Variants in YAF2 observed in about 807,000 individuals in gnomAD.
The protein encoded by YAF2 is YY1 associated factor 2.
In YAF2, 7 loss-of-function variants were observed where a neutral mutation model predicts 20.1. The observed-to-expected ratio is 0.35, with a 90% CI of 0.20 to 0.65. The LOEUF (loss-of-function observed/expected upper bound fraction) is 0.65. YAF2 is among the 30% of genes least tolerant of loss of function. The pLI is 0.69. For missense variants in YAF2, 151 were observed against 219.2 expected, an observed-to-expected ratio of 0.69 and a Z score of 1.96; for synonymous variants, 74 against 76.0, an observed-to-expected ratio of 0.97 and a Z score of 0.14.
intron 2 of YAF2, among the ~76,000 whole-genome samples, chr12:42,228,509 C>T (rs1366929022): frequency 1.8e-5 from 1 of 56,744 alleles, no homozygotes; most frequent in Non-Finnish European, 3.0e-5. Flanking sequence ...CCTGGCCAGC[C>T]GCCCCGTCCG....
At position 42,227,883 on chromosome 12, in the gene YAF2, G is replaced by A. The variant is rs1427767415; in HGVS notation, c.152+9716C>T. Among the ~76,000 whole-genome samples the A allele has an allele frequency of 6.0e-3, 824 of 138,404 alleles. 9 individuals carry two copies. Among genetic ancestry groups the A allele is most frequent in the African/African-American group, 0.021 (754 of 36,316 alleles). The allele number at this position is 138,404 out of a possible 152,430, so 90.8% of individuals were successfully genotyped here. A position where few individuals can be genotyped will look rare whatever the true frequency, so the allele number is the denominator to read the frequency against. On this transcript the variant is annotated intron_variant, in intron 2 of 3. Coordinates refer to ENST00000534854, the MANE Select transcript of YAF2 (RefSeq NM_005748.6). ...CCCCGCCCCGCCAGCCGCCCCGTCC[G>A]GGAGGTGAGGGGCGCCTCTGCCCGG...
chr12:42,185,481 A>G (rs2066449334), intron 2 of YAF2, among the ~76,000 whole-genome samples: 1 of 152,248 alleles, frequency 6.6e-6, no homozygotes, highest in Non-Finnish European at 1.5e-5. Flanking sequence ...AATGCTATGC[A>G]ACAGCACTGC....
At position 42,201,128 on chromosome 12, in the gene YAF2, T is replaced by G. The variant is rs191682981; in HGVS notation, c.152+36471A>C. Among the ~76,000 whole-genome samples, 32 of 152,336 alleles carry G rather than the reference T, an allele frequency of 2.1e-4. No homozygotes were observed. In the East Asian group the frequency reaches 6.2e-3, roughly 29 times the overall value. ...CTCCATTGTATAACTATTCTATATC[T>G]TATTTATCCATGCCTTCCTACTGAC... On this transcript the variant is annotated intron_variant, in intron 2 of 3. Coordinates refer to ENST00000534854, the MANE Select transcript of YAF2 (RefSeq NM_005748.6).
chr12:42,205,279 T>C (rs2137187194), intron 2 of YAF2, among the ~76,000 whole-genome samples: 1 of 152,260 alleles, frequency 6.6e-6, no homozygotes, highest in East Asian at 1.9e-4. Flanking sequence ...TAAATTTGAC[T>C]ATCAGTCTCA....
In YAF2 at chr12:42,227,825, G is replaced by A. The variant is rs866993293; in HGVS notation, c.152+9774C>T. On this transcript the variant is annotated intron_variant, in intron 2 of 3. Transcript: ENST00000534854. ...GGGTCAGCCCCCCGCCTGGCCAGCC[G>A]TGCCGTCCGGGAGGGAGGTGGGGGG... Among the ~76,000 whole-genome samples, 388 of 139,504 alleles carry A rather than the reference G, an allele frequency of 2.8e-3. 3 individuals carry two copies. The highest frequency in any genetic ancestry group is 0.012 in the South Asian group (51 of 4,246). 91.5% of individuals were successfully genotyped at this position (139,504 alleles called of 152,430 possible).
At chr12:42,231,938 T>C (rs1306735229) in intron 2 of YAF2, 1 of 152,172 alleles carries the variant, frequency 6.6e-6, no homozygotes, top group East Asian at 1.9e-4. Flanking sequence ...TGAATAACTA[T>C]GGTATTTCAG....
intron 2 of YAF2, among the ~76,000 whole-genome samples, chr12:42,218,420 T>C (rs1056950580): frequency 2.6e-5 from 4 of 152,216 alleles, no homozygotes; most frequent in Non-Finnish European, 4.4e-5. Flanking sequence ...CCTTAGTGTC[T>C]ATGCTTGCAA....
chr12:42,236,327 T>C (rs995149813), intron 2 of YAF2, among the ~76,000 whole-genome samples: 4 of 152,200 alleles, frequency 2.6e-5, no homozygotes, highest in African/African-American at 9.6e-5. Flanking sequence ...TAGCAAATAC[T>C]TTTTTTCTTT....
chr12:42,197,354 A>G (rs2066780538), intron 2 of YAF2, among the ~76,000 whole-genome samples: 1 of 152,230 alleles, frequency 6.6e-6, no homozygotes, highest in Non-Finnish European at 1.5e-5. Context: ...AGCTAGGGGC[A>G]ATGAAGTTAA....
At chr12:42,215,917 T>C (rs2067341519) in intron 2 of YAF2, among the ~76,000 whole-genome samples, 1 of 149,934 alleles carries the variant, frequency 6.7e-6, no homozygotes, top group East Asian at 1.9e-4. Flanking sequence ...AGAGCGAGAT[T>C]CCAGCTCAAA....
chr12:42,194,454 G>A (rs1470785641), intron 2 of YAF2, among the ~76,000 whole-genome samples: 1 of 152,126 alleles, frequency 6.6e-6, no homozygotes, highest in Non-Finnish European at 1.5e-5. Flanking sequence ...GACCAGTCTG[G>A]CCAACACGGT....
At chr12:42,203,640 T>C (rs1242291915) in intron 2 of YAF2, among the ~76,000 whole-genome samples, 6 of 151,742 alleles carry the variant, frequency 4.0e-5, no homozygotes, top group Admixed American at 6.6e-5. Context: ...TAAATTTATC[T>C]AGATTTTTTC....
chr12:42,208,509 C>T (rs187326568), intron 2 of YAF2, among the ~76,000 whole-genome samples: 12 of 151,976 alleles, frequency 7.9e-5, no homozygotes, highest in Non-Finnish European at 1.3e-4. Flanking sequence ...TATTTAAGGG[C>T]TAAACTGTAT....
Position 42,228,659 on chromosome 12 carries a change from G to C in YAF2, c.152+8940C>G, listed in dbSNP as rs1190663550. The stretch of plus-strand genomic sequence containing the variant: ...GCCGCCCCGTCCGGGAGGGAGGTGG[G>C]GGGGGGGTCAGCCCCCCTGCCCGGC... On this transcript the variant is annotated intron_variant, in intron 2 of 3. Coordinates refer to ENST00000534854, the MANE Select transcript of YAF2 (RefSeq NM_005748.6). 8.8e-5 allele frequency among the ~76,000 whole-genome samples: 10 copies of C among 113,306 alleles called. No homozygotes were observed. In the East Asian group the frequency reaches 2.9e-3, roughly 33 times the overall value. 74.3% of individuals were successfully genotyped at this position (113,306 alleles called of 152,430 possible).
intron 2 of YAF2, among the ~76,000 whole-genome samples, chr12:42,227,729 C>T (rs1299680715): frequency 1.3e-5 from 2 of 150,970 alleles, no homozygotes; most frequent in Non-Finnish European, 3.0e-5. Flanking sequence ...CCGGCAGCCA[C>T]CCCGTCCGGG....
At chr12:42,194,843 A>G (rs927645685) in intron 2 of YAF2, among the ~76,000 whole-genome samples, 8 of 152,224 alleles carry the variant, frequency 5.3e-5, no homozygotes, top group African/African-American at 1.7e-4. Flanking sequence ...TCAATTTTGC[A>G]TAAGTTTGAG....
In YAF2 at chr12:42,226,997, G is replaced by A. The variant is rs9669083; in HGVS notation, c.152+10602C>T. On this transcript the variant is annotated intron_variant, in intron 2 of 3. Coordinates refer to ENST00000534854, the MANE Select transcript of YAF2 (RefSeq NM_005748.6). ...GGCAGTGCGGAGCCGGGACAGTCGC[G>A]GCGCTGACGCCCGCGGGCCCCAGCT... 1.2e-3 allele frequency among the ~76,000 whole-genome samples: 182 copies of A among 146,958 alleles called. 7 individuals are homozygous for A. The South Asian group carries it at 0.037, about 30-fold the overall frequency.
chr12:42,168,542 GCTTCTTCCTTAAA>G (rs2065969824), intron 2 of YAF2, among the ~76,000 whole-genome samples: 1 of 151,998 alleles, frequency 6.6e-6, no homozygotes, highest in South Asian at 2.1e-4. Context: ...AAGAGGCTTG[GCTTCTTCCTTAAA>G]TTCTTTTCGG....
intron 2 of YAF2, among the ~76,000 whole-genome samples, chr12:42,192,903 G>A (rs560194989): frequency 6.6e-6 from 1 of 152,336 alleles, no homozygotes; most frequent in East Asian, 1.9e-4. Flanking sequence ...CTAAGATAAT[G>A]AAGCTGACAA....
Sources: allele counts gnomAD v4.1 joint callset (sites outside exome capture counted in the v4.1 genomes callset), GRCh38; gene constraint gnomAD v4.1.1; transcripts MANE v1.5; gene names NCBI Gene and HGNC (gene_info 2026-07-23, HGNC 2026-07-21).